Variants in DOCK9 observed in about 807,000 individuals in gnomAD.
The protein encoded by DOCK9 is dedicator of cytokinesis protein 9.
In DOCK9, 89 loss-of-function variants were observed where a neutral mutation model predicts 263.3. The ratio of observed to expected loss-of-function variants is 0.34; its 90% CI spans 0.28 to 0.40. The LOEUF (loss-of-function observed/expected upper bound fraction) is 0.40. Ranked by LOEUF, DOCK9 falls within the 10% of genes least tolerant of loss-of-function variation. DOCK9 has a pLI of 1.00. For synonymous variants in DOCK9, 976 were observed against 973.1 expected (o/e 1.00, Z -0.06); for missense variants, 2,140 against 2,603.4 (o/e 0.82, Z 3.87).
intron 35 of DOCK9, among the ~76,000 whole-genome samples, chr13:98,852,633 A>T (rs1197464475): frequency 6.6e-6 from 1 of 152,184 alleles, no homozygotes; most frequent in Non-Finnish European, 1.5e-5. Context: ...TAATTCAATC[A>T]CCTTAATGAA....
At chr13:98,990,350 T>C (rs1361724172) in intron 1 of DOCK9, among the ~76,000 whole-genome samples, 1 of 152,228 alleles carries the variant, frequency 6.6e-6, no homozygotes, top group Non-Finnish European at 1.5e-5. Flanking sequence ...AGACACTGTA[T>C]TGATATAACT....
chr13:98,819,837 G>A (rs1038616686), intron 45 of DOCK9, among the ~76,000 whole-genome samples: 3 of 152,196 alleles, frequency 2.0e-5, no homozygotes, highest in African/African-American at 7.2e-5. Flanking sequence ...GATAGTCTAT[G>A]GATATAAACA....
chr13:99,078,510 A>T (rs1260344076), intron 1 of DOCK9, among the ~76,000 whole-genome samples: 1 of 152,184 alleles, frequency 6.6e-6, no homozygotes, highest in Non-Finnish European at 1.5e-5. Context: ...GGTCACAGGG[A>T]TAGGGAGCTG....
chr13:99,017,502 A>G (rs1201608357), intron 1 of DOCK9, among the ~76,000 whole-genome samples: 3 of 152,248 alleles, frequency 2.0e-5, no homozygotes, highest in African/African-American at 4.8e-5. Context: ...AAGCCAGGGA[A>G]TATTATTTGA....
intron 37 of DOCK9, chr13:98,847,797 C>T (rs1406268886): frequency 2.0e-5 from 3 of 152,050 alleles, no homozygotes; most frequent in Admixed American, 1.3e-4. Flanking sequence ...AAATATAATA[C>T]TTAGACCAAG....
chr13:98,960,119 C>T (rs1228225151), intron 1 of DOCK9, among the ~76,000 whole-genome samples: 2 of 152,258 alleles, frequency 1.3e-5, no homozygotes, highest in East Asian at 1.9e-4. Flanking sequence ...GGCACACAGC[C>T]GTGGTTTTAA....
intron 18 of DOCK9, among the ~76,000 whole-genome samples, chr13:98,887,159 T>A (rs1285773686): frequency 1.9e-3 from 125 of 66,316 alleles, no homozygotes; most frequent in Non-Finnish European, 3.4e-3. Flanking sequence ...TTTTTTTTTT[T>A]TTTTTTTTGC....
intron 45 of DOCK9, among the ~76,000 whole-genome samples, chr13:98,818,089 A>G (rs1399392256): frequency 6.6e-6 from 1 of 152,218 alleles, no homozygotes; most frequent in African/African-American, 2.4e-5. Context: ...TTACCCAATA[A>G]CAAACTAAAA....
At chr13:98,836,944 A>G (rs1358250752) in intron 39 of DOCK9, among the ~76,000 whole-genome samples, 1 of 152,154 alleles carries the variant, frequency 6.6e-6, no homozygotes, top group African/African-American at 2.4e-5. Flanking sequence ...GGGTTCCTAA[A>G]AACAGGAGAG....
At chr13:99,053,015 G>T (rs956156342) in intron 1 of DOCK9, among the ~76,000 whole-genome samples, 2 of 152,148 alleles carry the variant, frequency 1.3e-5, no homozygotes, top group African/African-American at 4.8e-5. Context: ...CCGTTGGGAT[G>T]AAGTCTCTCC....
intron 1 of DOCK9, among the ~76,000 whole-genome samples, chr13:99,053,578 G>A (rs1415414824): frequency 2.0e-5 from 3 of 152,210 alleles, no homozygotes; most frequent in African/African-American, 7.2e-5. Context: ...CCAATGGTAA[G>A]AACTTTCTGA....
chr13:98,915,605 G>A, intron 7 of DOCK9, 102 bp from the exon 8 acceptor site: 1 of 1,173,174 alleles, frequency 8.5e-7, no homozygotes, highest in Non-Finnish European at 1.2e-6. Flanking sequence ...TTGGCATTTA[G>A]AACCAAGCTA....
At chr13:98,954,216 G>C (rs1390828153) in intron 2 of DOCK9, among the ~76,000 whole-genome samples, 1 of 151,718 alleles carries the variant, frequency 6.6e-6, no homozygotes, top group South Asian at 2.1e-4. Context: ...AACACTTTTG[G>C]AATCAAACAA....
intron 1 of DOCK9, among the ~76,000 whole-genome samples, chr13:98,997,471 G>A (rs1881320371): frequency 6.6e-6 from 1 of 152,170 alleles, no homozygotes; most frequent in East Asian, 1.9e-4. Flanking sequence ...CTCTCTCAAG[G>A]GCATGACAGT....
At chr13:98,824,925 A>G (rs1489270283) in intron 44 of DOCK9, among the ~76,000 whole-genome samples, 7 of 152,228 alleles carry the variant, frequency 4.6e-5, no homozygotes, top group African/African-American at 1.7e-4. Flanking sequence ...TGTTTCCTTC[A>G]AGCTGTCACC....
intron 1 of DOCK9, among the ~76,000 whole-genome samples, chr13:99,057,761 A>C (rs1458540300): frequency 6.6e-6 from 1 of 152,240 alleles, no homozygotes; most frequent in African/African-American, 2.4e-5. Flanking sequence ...GCAATCCAGG[A>C]GTGCCACACC....
chr13:98,846,094 G>A (rs2141357120), intron 37 of DOCK9, 34 bp from the exon 38 acceptor site: 3 of 1,551,200 alleles, frequency 1.9e-6, no homozygotes, highest in South Asian at 2.4e-5. Flanking sequence ...AGAAGCAAAA[G>A]TTAGACGTGT....
chr13:99,072,767 A>G (rs2041737295), intron 1 of DOCK9, among the ~76,000 whole-genome samples: 1 of 152,130 alleles, frequency 6.6e-6, no homozygotes, highest in South Asian at 2.1e-4. Flanking sequence ...TGGGACGCCG[A>G]GGCAGGAAGA....
At chr13:98,984,231 C>T (rs929335370) in intron 1 of DOCK9, among the ~76,000 whole-genome samples, 2 of 152,166 alleles carry the variant, frequency 1.3e-5, no homozygotes, top group African/African-American at 4.8e-5. Context: ...TTCCCATGGG[C>T]AGGTTCACAT....
Sources: gnomAD v4.1 joint callset for allele counts (sites outside exome capture counted in the v4.1 genomes callset) on GRCh38, gnomAD v4.1.1 for gene constraint, MANE v1.5 for transcripts, NCBI Gene and HGNC (gene_info 2026-07-23, HGNC 2026-07-21) for gene names.